PITPNA: variants seen among roughly 807,000 people sequenced by gnomAD.
PITPNA encodes the protein phosphatidylinositol transfer protein alpha isoform.
Under a neutral mutation model 50.3 loss-of-function variants are expected in PITPNA, and 13 were observed. The ratio of observed to expected loss-of-function variants is 0.26; its 90% CI spans 0.17 to 0.41. PITPNA has a LOEUF of 0.41. Ranked by LOEUF, PITPNA falls within the 10% of genes least tolerant of loss-of-function variation. The pLI, the probability that PITPNA is intolerant of heterozygous loss-of-function variation, is 1.00. For missense variants in PITPNA, 207 were observed against 333.4 expected, an observed-to-expected ratio of 0.62 and a Z score of 2.95; for synonymous variants, 120 against 119.6, an observed-to-expected ratio of 1.00 and a Z score of -0.02.
chr17:1,521,454 G>T, intron 11 of PITPNA, 125 bp downstream of exon 11: 1 of 704,452 alleles, frequency 1.4e-6, no homozygotes, highest in South Asian at 1.5e-5. Flanking sequence ...TATCGAGCGT[G>T]GCAACCATCA....
At chr17:1,536,174 T>C (rs566401826) in intron 7 of PITPNA, among the ~76,000 whole-genome samples, 1 of 152,298 alleles carries the variant, frequency 6.6e-6, no homozygotes, top group East Asian at 1.9e-4. Flanking sequence ...TCCCTCTACA[T>C]TGACTAATGT....
At chr17:1,552,979 C>A in intron 3 of PITPNA, 25 bp downstream of exon 3, 1 of 1,611,210 alleles carries the variant, frequency 6.2e-7, no homozygotes, top group African/African-American at 1.3e-5. Context: ...AGCCAGCATC[C>A]GGCCCCGCTG....
At position 1,562,568 on chromosome 17, in the gene PITPNA, C is replaced by T. The variant is rs372856131; in HGVS notation, c.-8G>A. On this transcript the variant is annotated 5_prime_UTR_variant, in exon 1 of 12. Coordinates refer to ENST00000313486, the MANE Select transcript of PITPNA (RefSeq NM_006224.4). The surrounding 1 kb of genome is among the most constrained non-coding windows in gnomAD (Gnocchi z 6.4). ...CTCCTTGAGCAGCACCATGTCGCTT[C>T]GCGGCTCGGTGGCTGCCCGCGGCCC... The T allele has an allele frequency of 3.0e-6, 4 of 1,333,986 alleles. No homozygotes were observed. Among genetic ancestry groups the T allele is most frequent in the East Asian group, 3.2e-5 (1 of 30,780 alleles). 82.6% of individuals were successfully genotyped at this position (1,333,986 alleles called of 1,614,324 possible). A position where few individuals can be genotyped will look rare whatever the true frequency, so the allele number is the denominator to read the frequency against.
At chr17:1,529,140 A>C (rs2075566025) in intron 10 of PITPNA, among the ~76,000 whole-genome samples, 2 of 91,814 alleles carry the variant, frequency 2.2e-5, no homozygotes, top group African/African-American at 9.5e-5. Flanking sequence ...TCCATCTCAA[A>C]AAAAAAAAAA....
intron 10 of PITPNA, among the ~76,000 whole-genome samples, chr17:1,522,097 C>T (rs2075517565): frequency 7.4e-6 from 1 of 134,742 alleles, no homozygotes; most frequent in South Asian, 2.1e-4. Context: ...CGGAGTCTCG[C>T]TCTGCCGCCC....
At chr17:1,552,086 G>A (rs961645137) in intron 3 of PITPNA, among the ~76,000 whole-genome samples, 5 of 152,258 alleles carry the variant, frequency 3.3e-5, no homozygotes, top group Non-Finnish European at 7.3e-5. Flanking sequence ...AGACCACAGT[G>A]AAGTGGGGCT....
At chr17:1,541,702 C>T in intron 5 of PITPNA, 62 bp from the exon 6 acceptor site, 2 of 1,057,186 alleles carry the variant, frequency 1.9e-6, no homozygotes, top group South Asian at 1.3e-5. Flanking sequence ...TAACCATCTC[C>T]CATTACTGGA....
chr17:1,556,210 C>T (rs546419813), intron 2 of PITPNA, among the ~76,000 whole-genome samples: 1 of 152,312 alleles, frequency 6.6e-6, no homozygotes, highest in South Asian at 2.1e-4. Context: ...AGTTCCGCTT[C>T]GACCCTACCC....
rs2075475676 is a variant in PITPNA, at chr17:1,517,947, T to C, written c.*2614A>G. 6.6e-6 allele frequency: 1 copy of C among 152,612 alleles called. No homozygotes were observed. Among genetic ancestry groups the C allele is most frequent in the African/African-American group, 2.4e-5 (1 of 41,436 alleles). The allele number at this position is 152,612 out of a possible 1,614,324, so 9.5% of individuals were successfully genotyped here. A position where few individuals can be genotyped will look rare whatever the true frequency, so the allele number is the denominator to read the frequency against. ...TTATCAGTGCAAGTTTGAGGATACA[T>C]ACAGCTGGAAAATGGACATCACCAA... On this transcript the variant is annotated 3_prime_UTR_variant, in exon 12 of 12. Transcript: ENST00000313486.
chr17:1,533,611 C>T (rs1475932703), intron 10 of PITPNA, among the ~76,000 whole-genome samples: 5 of 152,144 alleles, frequency 3.3e-5, no homozygotes, highest in Non-Finnish European at 7.4e-5. Context: ...CTGCGATCCA[C>T]GCCAAGACCA....
Position 1,538,858 on chromosome 17 carries a change from A to G in PITPNA, c.456+11T>C. On this transcript the variant is annotated intron_variant, in intron 7 of 11. Coordinates refer to ENST00000313486, the MANE Select transcript of PITPNA (RefSeq NM_006224.4). ...TCTCGAAGGCCACCCACGTCTTTAA[A>G]CGGATCCTACCTTGCTGAGCACTTG... The G allele has an allele frequency of 6.3e-7, 1 of 1,598,052 alleles. No homozygotes were observed. Among genetic ancestry groups the G allele is most frequent in the South Asian group, 1.1e-5 (1 of 90,448 alleles).
chr17:1,530,065 G>A (rs1207604104), intron 10 of PITPNA, among the ~76,000 whole-genome samples: 3 of 152,102 alleles, frequency 2.0e-5, no homozygotes, highest in Non-Finnish European at 4.4e-5. Context: ...ACTGGGTGAT[G>A]TAATACATGT....
chr17:1,562,263 T>C lies in PITPNA; in HGVS notation c.20+278A>G, dbSNP rs1217785786. Among the ~76,000 whole-genome samples, 1 of 150,682 alleles carries C rather than the reference T, an allele frequency of 6.6e-6. No homozygotes were observed. Among genetic ancestry groups the C allele is most frequent in the Non-Finnish European group, 1.5e-5 (1 of 67,556 alleles). On this transcript the variant is annotated intron_variant, in intron 1 of 11. Transcript: ENST00000313486. This position sits in a 1 kb window ranked among gnomAD's most constrained non-coding sequence, Gnocchi z 6.4. Reference sequence around the variant, plus strand: ...CCTCCATGCCCCGGCTGCCCGTCCATGCCCCGTGGGCCCCGGCTCAGATGC... The same window carrying C: ...CCTCCATGCCCCGGCTGCCCGTCCACGCCCCGTGGGCCCCGGCTCAGATGC...
chr17:1,535,058 C>T (rs987048425), intron 9 of PITPNA, 124 bp downstream of exon 9: 17 of 638,256 alleles, frequency 2.7e-5, no homozygotes, highest in East Asian at 1.1e-4. Context: ...CACCCCCCAC[C>T]GCACACACAC....
intron 2 of PITPNA, among the ~76,000 whole-genome samples, chr17:1,555,458 GCA>G (rs1262479083): frequency 6.6e-6 from 1 of 152,158 alleles, no homozygotes; most frequent in African/African-American, 2.4e-5. Flanking sequence ...CTCGGATGGG[GCA>G]GAGATAGGAG....
chr17:1,545,917 CTTTTTTTTT>C (rs11322049), intron 4 of PITPNA, among the ~76,000 whole-genome samples: 15 of 86,364 alleles, frequency 1.7e-4, no homozygotes, highest in South Asian at 8.6e-4. Context: ...TGCATACTGC[CTTTTTTTTT>C]TTTTTTTTTT....
At chr17:1,558,230 C>CACA (rs755279065) in intron 2 of PITPNA, among the ~76,000 whole-genome samples, 7 of 104,226 alleles carry the variant, frequency 6.7e-5, no homozygotes, top group Non-Finnish European at 9.4e-5. Flanking sequence ...GACTCCGTCT[C>CACA]AAAAAAAAAA....
rs1363590721 is a variant in PITPNA, at chr17:1,562,328, C to T, written c.20+213G>A. ...GCCCCTCCACGCCCCGGCCGCCCCTCCACGCCCCGGCCGCCCCTCCGTGCC... is the reference window on the plus strand; with the variant it reads ...GCCCCTCCACGCCCCGGCCGCCCCTTCACGCCCCGGCCGCCCCTCCGTGCC... On this transcript the variant is annotated intron_variant, in intron 1 of 11. Coordinates refer to ENST00000313486, the MANE Select transcript of PITPNA (RefSeq NM_006224.4). The surrounding 1 kb of genome is among the most constrained non-coding windows in gnomAD (Gnocchi z 6.4). Among the ~76,000 whole-genome samples, 3 of 150,964 alleles carry T rather than the reference C, an allele frequency of 2.0e-5. No individual in the cohort carries two copies. Among genetic ancestry groups the T allele is most frequent in the African/African-American group, 7.3e-5 (3 of 41,128 alleles).
chr17:1,531,497 T>A (rs2075583130), intron 10 of PITPNA, among the ~76,000 whole-genome samples: 1 of 151,874 alleles, frequency 6.6e-6, no homozygotes, highest in Non-Finnish European at 1.5e-5. Context: ...GCCACTGCAC[T>A]CCAGCTTGGG....
Sources: gnomAD v4.1 joint callset for allele counts (sites outside exome capture counted in the v4.1 genomes callset) on GRCh38, gnomAD v4.1.1 for gene constraint, Gnocchi (gnomAD v3.1) non-coding constraint, MANE v1.5 for transcripts, NCBI Gene and HGNC (gene_info 2026-07-23, HGNC 2026-07-21) for gene names.